The following PRKRIP1 variants were observed in gnomAD, a reference collection of about 807,000 sequenced individuals.
The protein encoded by PRKRIP1 is PRKR interacting protein 1, also known as PRKR-interacting protein 1.
Under a neutral mutation model 29.3 loss-of-function variants are expected in PRKRIP1, and 29 were observed. The ratio of observed to expected loss-of-function variants is 0.99; its 90% CI spans 0.74 to 1.35. The LOEUF is 1.35. Ranked by LOEUF, PRKRIP1 falls within the 40% of genes most tolerant of loss-of-function variation. The probability of loss-of-function intolerance (pLI) is 0.00; values close to 1 mark genes in which losing one functional copy is unlikely to be tolerated. For synonymous variants in PRKRIP1, 90 were observed against 85.1 expected (o/e 1.06, Z -0.32); for missense variants, 247 against 236.8 (o/e 1.04, Z -0.28).
Position 102,407,523 on chromosome 7 carries a change from C to T in PRKRIP1, c.457+25C>T, listed in dbSNP as rs191367889. ...GGTGAGTGGTGCCCACTTTTCTTGG[C>T]TGTAGCTTCTTTCTTCTTGTTGGTC... On this transcript the variant is annotated intron_variant, in intron 5 of 5. Transcript: ENST00000397912. 3.1e-3 allele frequency: 4,832 copies of T among 1,558,322 alleles called. 15 individuals carry two copies. The highest frequency in any genetic ancestry group is 3.4e-3 in the Non-Finnish European group (3,843 of 1,130,028).
At chr7:102,403,809 GTGGGTGTGGGTGT>G in intron 3 of PRKRIP1, among the ~76,000 whole-genome samples, 1 of 152,214 alleles carries the variant, frequency 6.6e-6, no homozygotes, top group Admixed American at 6.5e-5. Flanking sequence ...AAATATCTGT[GTGGGTGTGGGTGT>G]GTGCTTAGCA....
intron 5 of PRKRIP1, among the ~76,000 whole-genome samples, chr7:102,417,116 A>G (rs185744072): frequency 1.3e-5 from 2 of 151,824 alleles, no homozygotes; most frequent in African/African-American, 4.8e-5. Context: ...CAGCCTCCCA[A>G]AGTCCTGGGA....
At chr7:102,408,371 C>T (rs759902867) in intron 5 of PRKRIP1, among the ~76,000 whole-genome samples, 1 of 152,180 alleles carries the variant, frequency 6.6e-6, no homozygotes, top group Non-Finnish European at 1.5e-5. Context: ...TCCAGCACTG[C>T]GAGCTGAGTA....
At position 102,399,607 on chromosome 7, in the gene PRKRIP1, G is replaced by A. The variant is rs138941276; in HGVS notation, c.265G>A (p.Glu89Lys). 9.3e-6 allele frequency: 15 copies of A among 1,614,026 alleles called. No individual in the cohort carries two copies. In the East Asian group the frequency reaches 3.3e-4, roughly 36 times the overall value. ...FHVYRHLRRR[E>K]YQRQDYMDAM... ...CGTGTACAGACATCTGCGCCGGAGA[G>A]AATATCAGCGACAGGACTACATGGA... The change falls in exon 3 of 6, where the codon GAA becomes AAA. Residue 89 changes from glutamate (E) to lysine (K), a missense_variant. Physicochemically the swap from Glu to Lys is moderately conservative, Grantham distance 56 (BLOSUM62 1). Coordinates refer to ENST00000397912, the MANE Select transcript of PRKRIP1 (RefSeq NM_024653.4).
At chr7:102,399,499 G>A (rs782697816) in intron 2 of PRKRIP1, 49 bp from the exon 3 acceptor site, 1 of 1,472,374 alleles carries the variant, frequency 6.8e-7, no homozygotes, top group Non-Finnish European at 9.5e-7. Flanking sequence ...AGGGTGACCT[G>A]TGTTGGTAAC....
chr7:102,398,298 T>TG (rs1795970998), intron 2 of PRKRIP1, among the ~76,000 whole-genome samples: 1 of 152,016 alleles, frequency 6.6e-6, no homozygotes, highest in Non-Finnish European at 1.5e-5. Flanking sequence ...TTTGTTTTTC[T>TG]TTTGGAGACA....
chr7:102,403,538 C>T (rs1405388), intron 3 of PRKRIP1, among the ~76,000 whole-genome samples: 3,700 of 152,288 alleles, frequency 0.024, 151 homozygotes, highest in African/African-American at 0.085. Context: ...CCTCTGCCGC[C>T]TAGACTGGTG....
At position 102,416,666 on chromosome 7, in the gene PRKRIP1, A is replaced by G. The variant is rs556781289; in HGVS notation, c.458-8348A>G. On this transcript the variant is annotated intron_variant, in intron 5 of 5. Coordinates refer to ENST00000397912, the MANE Select transcript of PRKRIP1 (RefSeq NM_024653.4). ...AGGGCATTGTACTGCCAACGTGGCCATCAGGTTTTGTGGGGTGTTTTTTTT... is the reference window on the plus strand; with the variant it reads ...AGGGCATTGTACTGCCAACGTGGCCGTCAGGTTTTGTGGGGTGTTTTTTTT... Among the ~76,000 whole-genome samples, 17 of 133,124 alleles carry G rather than the reference A, an allele frequency of 1.3e-4. No homozygotes were observed. In the South Asian group the frequency reaches 4.2e-3, roughly 33 times the overall value. The allele number at this position is 133,124 out of a possible 152,430, so 87.3% of individuals were successfully genotyped here.
intron 1 of PRKRIP1, among the ~76,000 whole-genome samples, chr7:102,396,839 A>T (rs1273087918): frequency 6.6e-6 from 1 of 152,076 alleles, no homozygotes; most frequent in Non-Finnish European, 1.5e-5. Context: ...GAAAAGGTAG[A>T]ATTTGTGGGT....
At chr7:102,402,782 C>T (rs935602726) in intron 3 of PRKRIP1, among the ~76,000 whole-genome samples, 2 of 152,132 alleles carry the variant, frequency 1.3e-5, no homozygotes, top group African/African-American at 2.4e-5. Context: ...CTGCTTGAGA[C>T]ATTGCCTCTG....
At chr7:102,398,580 C>T (rs1243437407) in intron 2 of PRKRIP1, among the ~76,000 whole-genome samples, 3 of 152,066 alleles carry the variant, frequency 2.0e-5, no homozygotes, top group Admixed American at 6.6e-5. Flanking sequence ...CCACAGTGCC[C>T]GGCCATCTCC....
At chr7:102,398,934 C>A (rs1795991575) in intron 2 of PRKRIP1, among the ~76,000 whole-genome samples, 1 of 152,044 alleles carries the variant, frequency 6.6e-6, no homozygotes, top group Non-Finnish European at 1.5e-5. Context: ...CCAGCCTGGG[C>A]AACACAGGAA....
chr7:102,398,315 C>T (rs1027073092), intron 2 of PRKRIP1, among the ~76,000 whole-genome samples: 1 of 151,886 alleles, frequency 6.6e-6, no homozygotes, highest in South Asian at 2.1e-4. Flanking sequence ...GACAGAGTCT[C>T]ACTCTGTCAC....
At chr7:102,397,175 A>T (rs2133159660) in intron 1 of PRKRIP1, among the ~76,000 whole-genome samples, 1 of 152,270 alleles carries the variant, frequency 6.6e-6, no homozygotes, top group Middle Eastern at 3.4e-3. Flanking sequence ...AGAGGGAAGA[A>T]CACAAAATCA....
Position 102,399,530 on chromosome 7 carries a change from G to A in PRKRIP1, c.206-18G>A, listed in dbSNP as rs781846915. ...GTAACTGAATTTCATCTAGAACTGTGGACTGTTCTGGCTACAGGTTCAAGT... is the reference window on the plus strand; with the variant it reads ...GTAACTGAATTTCATCTAGAACTGTAGACTGTTCTGGCTACAGGTTCAAGT... On this transcript the variant is annotated intron_variant, in intron 2 of 5. Transcript: ENST00000397912. 3.8e-6 allele frequency: 6 copies of A among 1,598,174 alleles called. No individual in the cohort carries two copies. In the East Asian group the frequency reaches 8.9e-5, roughly 24 times the overall value.
intron 3 of PRKRIP1, among the ~76,000 whole-genome samples, chr7:102,400,638 CTT>C (rs1365017806): frequency 1.3e-5 from 2 of 151,796 alleles, no homozygotes; most frequent in African/African-American, 4.8e-5. Context: ...TAGATACTAA[CTT>C]TATTTATTAT....
chr7:102,424,948 C>T, intron 5 of PRKRIP1, 66 bp from the exon 6 acceptor site: 1 of 1,532,614 alleles, frequency 6.5e-7, no homozygotes. Context: ...CAGCTCTCCT[C>T]TTTGAAAGCA....
At chr7:102,411,376 T>G (rs541626418) in intron 5 of PRKRIP1, among the ~76,000 whole-genome samples, 2 of 147,024 alleles carry the variant, frequency 1.4e-5, no homozygotes, top group Admixed American at 6.8e-5. Context: ...TGGCTGCTTG[T>G]TTTTTTTTTG....
intron 5 of PRKRIP1, among the ~76,000 whole-genome samples, chr7:102,419,078 C>T (rs541072959): frequency 4.6e-5 from 7 of 152,196 alleles, no homozygotes; most frequent in Non-Finnish European, 7.4e-5. Flanking sequence ...TCACCTTCTG[C>T]GTTCCATCCT....
Sources: gnomAD v4.1 joint callset for allele counts (sites outside exome capture counted in the v4.1 genomes callset) on GRCh38, gnomAD v4.1.1 for gene constraint, MANE v1.5 for transcripts, NCBI Gene and HGNC (gene_info 2026-07-23, HGNC 2026-07-21) for gene names.